Variants in EDA observed in about 807,000 individuals in gnomAD.
EDA encodes ectodysplasin-A.
In EDA, 2 loss-of-function variants were observed where a neutral mutation model predicts 23.6. The observed-to-expected ratio is 0.08, with a 90% CI of 0.03 to 0.27. EDA has a LOEUF of 0.27. EDA is among the 10% of genes least tolerant of loss of function. The pLI is 1.00. For synonymous variants in EDA, 131 were observed against 132.0 expected (o/e 0.99, Z 0.05); for missense variants, 229 against 324.2 (o/e 0.71, Z 2.26).
At chrX:69,895,101 G>A (rs1294346865) in intron 1 of EDA, among the ~76,000 whole-genome samples, 2 of 110,933 alleles carry the variant, frequency 1.8e-5, no homozygotes, top group Non-Finnish European at 3.8e-5. Context: ...CCACATTTGC[G>A]GGGTGGGATT....
intron 1 of EDA, among the ~76,000 whole-genome samples, chrX:69,887,401 A>G (rs1172154464): frequency 1.8e-5 from 2 of 112,211 alleles, no homozygotes; most frequent in Non-Finnish European, 3.8e-5. Context: ...AAAGAACTAA[A>G]TGGCGCTAAA....
At chrX:69,932,432 GT>G (rs755428112) in intron 1 of EDA, among the ~76,000 whole-genome samples, 1 of 111,895 alleles carries the variant, frequency 8.9e-6, no homozygotes, top group Non-Finnish European at 1.9e-5. Flanking sequence ...GTATCAGTGG[GT>G]TATAAGAGAA....
At chrX:70,005,109 G>A (rs2019785845) in intron 2 of EDA, among the ~76,000 whole-genome samples, 1 of 111,139 alleles carries the variant, frequency 9.0e-6, no homozygotes, top group African/African-American at 3.3e-5. Flanking sequence ...AAAAAAAGGT[G>A]GGGGAAAGCT....
At chrX:69,678,380 G>A (rs1934188862) in intron 1 of EDA, among the ~76,000 whole-genome samples, 1 of 111,455 alleles carries the variant, frequency 9.0e-6, no homozygotes. Flanking sequence ...TAGCTTGATG[G>A]GGATGACATT....
intron 1 of EDA, among the ~76,000 whole-genome samples, chrX:69,666,601 T>C (rs1484283513): frequency 8.9e-6 from 1 of 112,692 alleles, no homozygotes; most frequent in African/African-American, 3.2e-5. Flanking sequence ...TCACATGGAT[T>C]GATTTGCTTA....
intron 1 of EDA, among the ~76,000 whole-genome samples, chrX:69,859,791 T>C (rs890283088): frequency 2.7e-5 from 3 of 111,530 alleles, no homozygotes; most frequent in African/African-American, 9.8e-5. Context: ...TAATTTTGTC[T>C]CAATGATCTG....
intron 1 of EDA, among the ~76,000 whole-genome samples, chrX:69,665,748 G>T (rs1933661389): frequency 9.0e-6 from 1 of 111,385 alleles, no homozygotes; most frequent in Non-Finnish European, 1.9e-5. Context: ...CAGGAAGTAT[G>T]ATGCCTCCAA....
chrX:69,633,280 A>C (rs1398711952), intron 1 of EDA, among the ~76,000 whole-genome samples: 1 of 112,498 alleles, frequency 8.9e-6, no homozygotes, highest in African/African-American at 3.2e-5. Context: ...TACTGGGGAT[A>C]GTTATTTCAA....
At chrX:69,654,980 A>G (rs1257689942) in intron 1 of EDA, among the ~76,000 whole-genome samples, 1 of 111,205 alleles carries the variant, frequency 9.0e-6, no homozygotes, top group Non-Finnish European at 1.9e-5. Flanking sequence ...CAAAAAAAAG[A>G]ACAAAGTCCA....
At chrX:70,032,877 C>T (rs1370109108) in intron 6 of EDA, among the ~76,000 whole-genome samples, 1 of 112,224 alleles carries the variant, frequency 8.9e-6, no homozygotes. Context: ...TGGTTTCCTC[C>T]CAGGGAGGCT....
At chrX:69,716,128 A>T (rs2012323196) in intron 1 of EDA, among the ~76,000 whole-genome samples, 1 of 112,043 alleles carries the variant, frequency 8.9e-6, no homozygotes, top group East Asian at 2.8e-4. Flanking sequence ...CATCTTCATC[A>T]TGAAATCTTT....
intron 1 of EDA, among the ~76,000 whole-genome samples, chrX:69,905,162 C>T (rs2018158753): frequency 8.9e-6 from 1 of 112,085 alleles, no homozygotes; most frequent in African/African-American, 3.2e-5. Flanking sequence ...CAAGAATTGC[C>T]CTTTCTCTTT....
rs2018024918 is a variant in EDA at position 69,896,885 on chromosome X, C to T, written c.397-60142C>T. Among the ~76,000 whole-genome samples the T allele has an allele frequency of 2.7e-5, 3 of 111,560 alleles. No individual in the cohort carries two copies. The Admixed American group carries it at 2.9e-4, about 11-fold the overall frequency. ...TTAAAACTATATTTACCTTAATTTT[C>T]CTGTACTTACTACCCTCCACAACTC... is the stretch of plus-strand genomic sequence containing the variant. On this transcript the variant is annotated intron_variant, in intron 1 of 7. Transcript: ENST00000374552.
At chrX:69,712,074 T>C (rs1279868192) in intron 1 of EDA, among the ~76,000 whole-genome samples, 4 of 111,176 alleles carry the variant, frequency 3.6e-5, no homozygotes, top group Admixed American at 9.6e-5. Context: ...CTAGTTCTTT[T>C]AATTGTGATG....
chrX:69,956,291 C>CTTTT (rs1404711679), intron 1 of EDA, among the ~76,000 whole-genome samples: 1 of 100,327 alleles, frequency 1.0e-5, no homozygotes, highest in African/African-American at 3.6e-5. Context: ...TTCTTTCTTT[C>CTTTT]TTTCTTTCTT....
chrX:69,868,435 T>C (rs2017517978), intron 1 of EDA, among the ~76,000 whole-genome samples: 1 of 112,078 alleles, frequency 8.9e-6, no homozygotes, highest in Non-Finnish European at 1.9e-5. Context: ...AAGGAATATC[T>C]TGACAGGCCC....
At chrX:69,965,957 G>A (rs2019167035) in intron 2 of EDA, among the ~76,000 whole-genome samples, 1 of 110,996 alleles carries the variant, frequency 9.0e-6, no homozygotes, top group Non-Finnish European at 1.9e-5. Context: ...TAAGGTGGGA[G>A]GATTGCTTGA....
intron 1 of EDA, among the ~76,000 whole-genome samples, chrX:69,828,279 G>T (rs773995880): frequency 1.8e-5 from 2 of 112,385 alleles, no homozygotes; most frequent in East Asian, 5.6e-4. Flanking sequence ...CTGGGCAATG[G>T]TGGGCGCCCC....
intron 5 of EDA, among the ~76,000 whole-genome samples, chrX:70,030,243 C>G (rs1049621849): frequency 8.9e-6 from 1 of 112,147 alleles, no homozygotes; most frequent in African/African-American, 3.2e-5. Flanking sequence ...AAATGAGGCT[C>G]AGAGGCATTA....
Sources: allele counts gnomAD v4.1 joint callset (sites outside exome capture counted in the v4.1 genomes callset), GRCh38; gene constraint gnomAD v4.1.1; transcripts MANE v1.5; gene names NCBI Gene and HGNC (gene_info 2026-07-23, HGNC 2026-07-21).